TENM2: variants seen among roughly 807,000 people sequenced by gnomAD.
The protein encoded by TENM2 is teneurin-2.
In TENM2, 52 loss-of-function variants were observed where a neutral mutation model predicts 245.2. The ratio of observed to expected loss-of-function variants is 0.21; its 90% CI spans 0.17 to 0.27. The LOEUF (loss-of-function observed/expected upper bound fraction) is 0.27. TENM2 is among the 10% of genes least tolerant of loss of function. The pLI, the probability that TENM2 is intolerant of heterozygous loss-of-function variation, is 1.00. For synonymous variants in TENM2, 1,363 were observed against 1,438.9 expected (o/e 0.95, Z 1.19); for missense variants, 3,046 against 3,666.8 (o/e 0.83, Z 4.37).
At chr5:167,040,077 A>G in the TENM2 span, among the ~76,000 whole-genome samples, 1 of 152,140 alleles carries the variant, frequency 6.6e-6, no homozygotes, top group African/African-American at 2.4e-5. Flanking sequence ...TCATATAAGT[A>G]AATATAAGTA....
Position 167,414,827 on chromosome 5 carries a change from C to A in TENM2, c.502+39354C>A, listed in dbSNP as rs556498356. On this transcript the variant is annotated intron_variant, in intron 2 of 28. Transcript: ENST00000518659. The stretch of plus-strand genomic sequence containing the variant: ...CATCTTCAGGCTTCTGGGAACGTTG[C>A]TTCATCCAGAGGAGCAAGAGTTATC... Among the ~76,000 whole-genome samples the A allele has an allele frequency of 5.9e-5, 9 of 152,208 alleles. No individual in the cohort carries two copies. In the East Asian group the frequency reaches 1.7e-3, roughly 29 times the overall value.
intron 27 of TENM2, among the ~76,000 whole-genome samples, chr5:168,258,324 AC>A (rs1326547272): frequency 1.3e-5 from 2 of 151,934 alleles, no homozygotes; most frequent in Non-Finnish European, 2.9e-5. Flanking sequence ...ACATGGTGAA[AC>A]CCTGTCTCTA....
chr5:168,207,985 C>G (rs887297426), intron 19 of TENM2, among the ~76,000 whole-genome samples: 2 of 152,192 alleles, frequency 1.3e-5, no homozygotes, highest in East Asian at 3.9e-4. Flanking sequence ...CCCATAGAAG[C>G]CTGATATCCC....
At chr5:167,067,215 T>G in the TENM2 span, among the ~76,000 whole-genome samples, 1 of 152,192 alleles carries the variant, frequency 6.6e-6, no homozygotes, top group Admixed American at 6.5e-5. Flanking sequence ...AGACAACCCT[T>G]AAGCAAAATA....
chr5:167,887,590 G>A (rs757854697), intron 3 of TENM2, among the ~76,000 whole-genome samples: 13 of 152,234 alleles, frequency 8.5e-5, no homozygotes, highest in South Asian at 2.1e-4. Context: ...CCTTGGGAAG[G>A]ACAGAGAGGT....
intron 2 of TENM2, among the ~76,000 whole-genome samples, chr5:167,696,960 ACT>A (rs1226252772): frequency 6.6e-6 from 1 of 152,016 alleles, no homozygotes; most frequent in Non-Finnish European, 1.5e-5. Flanking sequence ...AAGCGTCTAC[ACT>A]CTCTATCTGA....
At chr5:167,233,276 A>C in the TENM2 span, among the ~76,000 whole-genome samples, 1 of 152,202 alleles carries the variant, frequency 6.6e-6, no homozygotes, top group African/African-American at 2.4e-5. Flanking sequence ...ATATGTACTC[A>C]AACTTTCTTT....
At chr5:167,689,847 A>C (rs1055626123) in intron 2 of TENM2, among the ~76,000 whole-genome samples, 1 of 151,662 alleles carries the variant, frequency 6.6e-6, no homozygotes, top group Non-Finnish European at 1.5e-5. Context: ...TACAATCTCC[A>C]CCTCTTGGGT....
intron 2 of TENM2, among the ~76,000 whole-genome samples, chr5:167,792,771 G>A (rs1765071350): frequency 6.6e-6 from 1 of 151,648 alleles, no homozygotes; most frequent in Admixed American, 6.6e-5. Flanking sequence ...TACCCCAGGA[G>A]GTACTGTTCT....
chr5:167,502,942 G>T (rs1769302712), intron 2 of TENM2, among the ~76,000 whole-genome samples: 1 of 152,144 alleles, frequency 6.6e-6, no homozygotes, highest in African/African-American at 2.4e-5. Flanking sequence ...CAATCCTCCT[G>T]TCTCAGCTTC....
intron 2 of TENM2, among the ~76,000 whole-genome samples, chr5:167,399,944 A>C (rs1019962965): frequency 1.3e-5 from 2 of 152,054 alleles, no homozygotes; most frequent in Non-Finnish European, 2.9e-5. Context: ...GAGCTCTTAC[A>C]TGGTATGATC....
chr5:166,999,084 T>C, the TENM2 span, among the ~76,000 whole-genome samples: 1 of 151,678 alleles, frequency 6.6e-6, no homozygotes, highest in African/African-American at 2.4e-5. Context: ...ATAATTTTTA[T>C]GTTTAAAAAA....
intron 1 of TENM2, among the ~76,000 whole-genome samples, chr5:167,363,730 CAA>C (rs10659741): frequency 1.1e-5 from 1 of 89,344 alleles, no homozygotes; most frequent in Non-Finnish European, 2.1e-5. Flanking sequence ...GACTCCATCT[CAA>C]AAAAAAAAAA....
chr5:167,401,620 G>C (rs1417218994), intron 2 of TENM2, among the ~76,000 whole-genome samples: 1 of 152,144 alleles, frequency 6.6e-6, no homozygotes, highest in Non-Finnish European at 1.5e-5. Flanking sequence ...CTTTGAGGGA[G>C]TTACTCAGAA....
At chr5:168,092,833 T>A (rs1171134308) in intron 8 of TENM2, among the ~76,000 whole-genome samples, 1 of 152,224 alleles carries the variant, frequency 6.6e-6, no homozygotes, top group Non-Finnish European at 1.5e-5. Context: ...AGCTGGGGTC[T>A]ACAAGAATTC....
intron 2 of TENM2, among the ~76,000 whole-genome samples, chr5:167,823,037 G>C (rs979662347): frequency 1.3e-4 from 20 of 152,188 alleles, no homozygotes; most frequent in Non-Finnish European, 4.4e-5. Flanking sequence ...GTTTGATAAA[G>C]GTTGTTACCA....
At chr5:167,343,166 C>G (rs1006805311) in intron 1 of TENM2, among the ~76,000 whole-genome samples, 1 of 152,134 alleles carries the variant, frequency 6.6e-6, no homozygotes, top group South Asian at 2.1e-4. Flanking sequence ...TTGCTATACA[C>G]CCATCATTGT....
intron 2 of TENM2, among the ~76,000 whole-genome samples, chr5:167,686,117 T>C (rs1403757207): frequency 1.3e-5 from 2 of 152,190 alleles, no homozygotes; most frequent in Non-Finnish European, 2.9e-5. Context: ...ACAGCGTGTA[T>C]TGATCACTTA....
intron 1 of TENM2, among the ~76,000 whole-genome samples, chr5:167,358,096 T>C (rs141691623): frequency 6.6e-6 from 1 of 152,332 alleles, no homozygotes; most frequent in East Asian, 1.9e-4. Flanking sequence ...CACAAAAACC[T>C]GCTGTTCTTT....
Sources: allele counts gnomAD v4.1 joint callset (sites outside exome capture counted in the v4.1 genomes callset), GRCh38; gene constraint gnomAD v4.1.1; transcripts MANE v1.5; gene names NCBI Gene and HGNC (gene_info 2026-07-23, HGNC 2026-07-21).